Variants in ALG10B observed in about 807,000 individuals in gnomAD.
ALG10B encodes the protein ALG10 alpha-1,2-glucosyltransferase B, also known as dol-P-Glc:Glc(2)Man(9)GlcNAc(2)-PP-Dol alpha-1,2-glucosyltransferase B.
Under a neutral mutation model 38.7 loss-of-function variants are expected in ALG10B, and 27 were observed. That is an observed-to-expected ratio of 0.70 (90% CI 0.51 to 0.96). ALG10B has a LOEUF of 0.96. Among genes scored for constraint, ALG10B ranks in the 40% least tolerant of loss-of-function variants. The probability of loss-of-function intolerance (pLI) is 0.00; values close to 1 mark genes in which losing one functional copy is unlikely to be tolerated. For missense variants in ALG10B, 522 were observed against 542.7 expected (o/e 0.96, Z 0.38); for synonymous variants, 177 against 193.3 (o/e 0.92, Z 0.70).
rs1203078479 is a variant in ALG10B at position 38,323,901 on chromosome 12, T to G, written c.*2688T>G. ...TTGTCTGATAATATTAATGCAAGGATTTTGTATTTAGGAATACTTCTGAGA... is the reference window on the plus strand; with the variant it reads ...TTGTCTGATAATATTAATGCAAGGAGTTTGTATTTAGGAATACTTCTGAGA... On this transcript the variant is annotated 3_prime_UTR_variant, in exon 3 of 3. Transcript: ENST00000308742. The G allele has an allele frequency of 1.3e-5, 9 of 701,814 alleles. No homozygotes were observed. The East Asian group carries it at 2.4e-4, about 19-fold the overall frequency. 43.5% of individuals were successfully genotyped at this position (701,814 alleles called of 1,614,324 possible). A position where few individuals can be genotyped will look rare whatever the true frequency, so the allele number is the denominator to read the frequency against.
rs777713108 is a variant in ALG10B, at chr12:38,320,889, T to C, written c.1098T>C (p.Tyr366=). 18 of 1,613,728 alleles carry C rather than the reference T, an allele frequency of 1.1e-5. No individual in the cohort carries two copies. Among genetic ancestry groups the C allele is most frequent in the African/African-American group, 9.3e-5 (7 of 74,906 alleles). The change falls in exon 3 of 3, where the codon TAT becomes TAC. Residue 366 remains tyrosine, a synonymous_variant. Coordinates refer to ENST00000308742, the MANE Select transcript of ALG10B (RefSeq NM_001013620.4). Reference sequence around the variant, plus strand: ...TGTGGAAAAGAGTTTTTCAAAGATATGCAATTCTGAAATATTTGTTAGTTC... The same window carrying C: ...TGTGGAAAAGAGTTTTTCAAAGATACGCAATTCTGAAATATTTGTTAGTTC... ...FYVWKRVFQR[Y]AILKYLLVPA...
rs766811632 is a variant in ALG10B at position 38,324,991 on chromosome 12, A to G, written c.*3778A>G. ...AAAAATATCTAGTCCATAAATCATTATAGGTTCAGTAATACATCATTTTGA... is the reference window on the plus strand; with the variant it reads ...AAAAATATCTAGTCCATAAATCATTGTAGGTTCAGTAATACATCATTTTGA... On this transcript the variant is annotated 3_prime_UTR_variant, in exon 3 of 3. Coordinates refer to ENST00000308742, the MANE Select transcript of ALG10B (RefSeq NM_001013620.4). 6.6e-6 allele frequency: 1 copy of G among 152,316 alleles called. No individual in the cohort carries two copies. The highest frequency in any genetic ancestry group is 2.1e-4 in the South Asian group (1 of 4,828). 9.4% of individuals were successfully genotyped at this position (152,316 alleles called of 1,614,324 possible).
chr12:38,317,967 A>T, intron 1 of ALG10B: 1 of 418,710 alleles, frequency 2.4e-6, no homozygotes, highest in South Asian at 2.4e-5. Flanking sequence ...AAACTGGAGC[A>T]TTTGCAGTTT....
rs527922977 is a variant in ALG10B at position 38,323,655 on chromosome 12, T to C, written c.*2442T>C. On this transcript the variant is annotated 3_prime_UTR_variant, in exon 3 of 3. Transcript: ENST00000308742. ...TTACAAGTATAATTTGAGTAATAAA[T>C]GCAGGCCATTTTTTGGTTGTACTCT... is the stretch of plus-strand genomic sequence containing the variant. 75 of 444,258 alleles carry C rather than the reference T, an allele frequency of 1.7e-4. No individual in the cohort carries two copies. Among genetic ancestry groups the C allele is most frequent in the African/African-American group, 1.3e-3 (68 of 50,500 alleles). 27.5% of individuals were successfully genotyped at this position (444,258 alleles called of 1,614,324 possible). A position where few individuals can be genotyped will look rare whatever the true frequency, so the allele number is the denominator to read the frequency against.
chr12:38,324,580 G>A lies in ALG10B; in HGVS notation c.*3367G>A, dbSNP rs1191219526. The A allele has an allele frequency of 2.0e-5, 3 of 152,056 alleles. No individual in the cohort carries two copies. In the East Asian group the frequency reaches 5.8e-4, roughly 29 times the overall value. 9.4% of individuals were successfully genotyped at this position (152,056 alleles called of 1,614,324 possible). A position where few individuals can be genotyped will look rare whatever the true frequency, so the allele number is the denominator to read the frequency against. ...TAAATGTCTTCGTTAAATTTTCTAG[G>A]CAGTTCAAAGATGGCCATTTGCTGG... is the stretch of plus-strand genomic sequence containing the variant. On this transcript the variant is annotated 3_prime_UTR_variant, in exon 3 of 3. Coordinates refer to ENST00000308742, the MANE Select transcript of ALG10B (RefSeq NM_001013620.4).
Position 38,317,004 on chromosome 12 carries a change from C to G in ALG10B, c.111C>G (p.Asp37Glu), listed in dbSNP as rs1945661653. 6.2e-7 allele frequency: 1 copy of G among 1,614,026 alleles called. No homozygotes were observed. Among genetic ancestry groups the G allele is most frequent in the Non-Finnish European group, 8.5e-7 (1 of 1,180,030 alleles). ...GGGCGCTGCGAGAGCCCTACATGGA[C>G]GAGATCTTCCACCTGCCTCAGGCGC... is the stretch of plus-strand genomic sequence containing the variant. ...FSRALREPYM[D>E]EIFHLPQAQR... is the part of the protein sequence containing the mutation. Residue 37 changes from aspartate to glutamate, a missense_variant, in exon 1 of 3, where the codon GAC (aspartate) becomes GAG (glutamate). Coordinates refer to ENST00000308742, the MANE Select transcript of ALG10B (RefSeq NM_001013620.4).
chr12:38,318,596 A>G lies in ALG10B; in HGVS notation c.369+138A>G. ...TTTTTTGTATATTATGTAAAGGTAAATTTAAATTCTCCATCTCCATTTTAG... is the reference window on the plus strand; with the variant it reads ...TTTTTTGTATATTATGTAAAGGTAAGTTTAAATTCTCCATCTCCATTTTAG... On this transcript the variant is annotated intron_variant, in intron 2 of 2. Coordinates refer to ENST00000308742, the MANE Select transcript of ALG10B (RefSeq NM_001013620.4). The G allele has an allele frequency of 3.9e-6, 4 of 1,028,592 alleles. No homozygotes were observed. The South Asian group carries it at 4.5e-5, about 12-fold the overall frequency. The allele number at this position is 1,028,592 out of a possible 1,614,324, so 63.7% of individuals were successfully genotyped here.
rs1463521014 is a variant in ALG10B at position 38,323,318 on chromosome 12, C to CCTTAT, written c.*2105_*2106insCTTAT. On this transcript the variant is annotated 3_prime_UTR_variant, in exon 3 of 3. Transcript: ENST00000308742. ...AAAGTTGAGAAATCCTTTGGTCTGA[C>CCTTAT]TTTGTAGATTAGGGAACAACTGCTG... 2.0e-5 allele frequency: 3 copies of CCTTAT among 152,188 alleles called. No individual in the cohort carries two copies. The highest frequency in any genetic ancestry group is 1.3e-4 in the Admixed American group (2 of 15,274). 9.4% of individuals were successfully genotyped at this position (152,188 alleles called of 1,614,324 possible).
chr12:38,320,653 T>A lies in ALG10B; in HGVS notation c.862T>A (p.Phe288Ile). 1 of 1,613,974 alleles carries A rather than the reference T, an allele frequency of 6.2e-7. No homozygotes were observed. Among genetic ancestry groups the A allele is most frequent in the African/African-American group, 1.3e-5 (1 of 75,014 alleles). The change falls in exon 3 of 3, where the codon TTT (phenylalanine) becomes ATT (isoleucine). Residue 288 changes from phenylalanine to isoleucine, a missense_variant. Transcript: ENST00000308742. ...DRSSHEACLHFPQLFYFFSFT... is the reference protein window; with the variant it reads ...DRSSHEACLHIPQLFYFFSFT... ...GAGTAGTCATGAAGCCTGTCTTCAT[T>A]TTCCTCAACTATTCTACTTTTTTTC...
chr12:38,322,216 G>C lies in ALG10B; in HGVS notation c.*1003G>C, dbSNP rs181061266. On this transcript the variant is annotated 3_prime_UTR_variant, in exon 3 of 3. Coordinates refer to ENST00000308742, the MANE Select transcript of ALG10B (RefSeq NM_001013620.4). ...TCTTCACTCCAGTCTCTGCCTCTGCGTTCACACGGCCTTTCCCTCTGTCTT... is the reference window on the plus strand; with the variant it reads ...TCTTCACTCCAGTCTCTGCCTCTGCCTTCACACGGCCTTTCCCTCTGTCTT... 1 of 152,186 alleles carries C rather than the reference G, an allele frequency of 6.6e-6. No individual in the cohort carries two copies. The highest frequency in any genetic ancestry group is 2.4e-5 in the African/African-American group (1 of 41,424). 9.4% of individuals were successfully genotyped at this position (152,186 alleles called of 1,614,324 possible).
Position 38,320,686 on chromosome 12 carries a change from C to A in ALG10B, c.895C>A (p.Leu299Ile). Residue 299 changes from leucine to isoleucine, a missense_variant, in exon 3 of 3, where the codon CTC (leucine) becomes ATC (isoleucine). By Grantham distance (5) the Leu-to-Ile change is conservative. Transcript: ENST00000308742. ...PQLFYFFSFT[L>I]FFSFPHLLSP... The stretch of plus-strand genomic sequence containing the variant: ...ACTATTCTACTTTTTTTCATTTACT[C>A]TCTTTTTTTCTTTTCCTCATCTCCT... 6.2e-7 allele frequency: 1 copy of A among 1,613,744 alleles called. No homozygotes were observed. The highest frequency in any genetic ancestry group is 8.5e-7 in the Non-Finnish European group (1 of 1,179,930).
At chr12:38,317,116 G>A (rs767865160) in intron 1 of ALG10B, 52 bp downstream of exon 1, 25 of 1,611,870 alleles carry the variant, frequency 1.6e-5, no homozygotes, top group Non-Finnish European at 2.0e-5. Context: ...AGGTCCCAGC[G>A]TCCCCAGCTC....
chr12:38,327,222 A>G lies in ALG10B; in HGVS notation c.*6009A>G, dbSNP rs1236756625. 5.9e-5 allele frequency: 9 copies of G among 151,794 alleles called. No individual in the cohort carries two copies. Among genetic ancestry groups the G allele is most frequent in the Admixed American group, 3.3e-4 (5 of 15,248 alleles). The allele number at this position is 151,794 out of a possible 1,614,324, so 9.4% of individuals were successfully genotyped here. On this transcript the variant is annotated 3_prime_UTR_variant, in exon 3 of 3. Coordinates refer to ENST00000308742, the MANE Select transcript of ALG10B (RefSeq NM_001013620.4). ...TGATCCTCCCACCTTGGCCTCCCAAAGTGCTAGGATTTACAATGAGCCACT... is the reference window on the plus strand; with the variant it reads ...TGATCCTCCCACCTTGGCCTCCCAAGGTGCTAGGATTTACAATGAGCCACT...
chr12:38,317,004 C>T lies in ALG10B; in HGVS notation c.111C>T (p.Asp37=). Residue 37 remains aspartate (D), a synonymous_variant, in exon 1 of 3, where the codon GAC becomes GAT. Transcript: ENST00000308742. ...FSRALREPYM[D]EIFHLPQAQR... ...GGGCGCTGCGAGAGCCCTACATGGA[C>T]GAGATCTTCCACCTGCCTCAGGCGC... 2.5e-6 allele frequency: 4 copies of T among 1,614,144 alleles called. No individual in the cohort carries two copies. Among genetic ancestry groups the T allele is most frequent in the Non-Finnish European group, 3.4e-6 (4 of 1,180,022 alleles).
intron 2 of ALG10B, among the ~76,000 whole-genome samples, chr12:38,318,848 C>G (rs932727339): frequency 6.6e-6 from 1 of 152,110 alleles, no homozygotes; most frequent in Non-Finnish European, 1.5e-5. Flanking sequence ...GTGCAGGCCC[C>G]GGAGGTCGAT....
rs996819069 is a variant in ALG10B at position 38,318,568 on chromosome 12, G to A, written c.369+110G>A. ...AATGTCTTTAACACTTTGTAACTTTGTATTTTTTGTATATTATGTAAAGGT... is the reference window on the plus strand; with the variant it reads ...AATGTCTTTAACACTTTGTAACTTTATATTTTTTGTATATTATGTAAAGGT... On this transcript the variant is annotated intron_variant, in intron 2 of 2. Coordinates refer to ENST00000308742, the MANE Select transcript of ALG10B (RefSeq NM_001013620.4). The A allele has an allele frequency of 2.4e-6, 3 of 1,257,026 alleles. No homozygotes were observed. The African/African-American group carries it at 4.5e-5, about 19-fold the overall frequency. 77.9% of individuals were successfully genotyped at this position (1,257,026 alleles called of 1,614,324 possible).
rs1237990538 is a variant in ALG10B, at chr12:38,328,865, A to G, written c.*7652A>G. The G allele has an allele frequency of 4.6e-6, 1 of 217,602 alleles. No individual in the cohort carries two copies. Among genetic ancestry groups the G allele is most frequent in the African/African-American group, 2.3e-5 (1 of 44,222 alleles). 13.5% of individuals were successfully genotyped at this position (217,602 alleles called of 1,614,324 possible). A position where few individuals can be genotyped will look rare whatever the true frequency, so the allele number is the denominator to read the frequency against. On this transcript the variant is annotated 3_prime_UTR_variant, in exon 3 of 3. Coordinates refer to ENST00000308742, the MANE Select transcript of ALG10B (RefSeq NM_001013620.4). ...CATTTGAAAACTCGTGTAACATTGT[A>G]TCAGCCACTGTTATAAAGTGATTTA...
Position 38,320,481 on chromosome 12 carries a change from C to T in ALG10B, c.690C>T (p.Phe230=). Residue 230 remains phenylalanine, a synonymous_variant, in exon 3 of 3, where the codon TTC becomes TTT. Coordinates refer to ENST00000308742, the MANE Select transcript of ALG10B (RefSeq NM_001013620.4). ...CTATTAAAGGACCATTTGCAGAATT[C>T]AGAAAAATTCTTCAGTTTCTTTTGG... is the stretch of plus-strand genomic sequence containing the variant. The part of the protein sequence containing the change: ...LPPIKGPFAE[F]RKILQFLLAY... 6.2e-7 allele frequency: 1 copy of T among 1,613,962 alleles called. No individual in the cohort carries two copies. Among genetic ancestry groups the T allele is most frequent in the Non-Finnish European group, 8.5e-7 (1 of 1,179,932 alleles).
Position 38,324,081 on chromosome 12 carries a change from G to A in ALG10B, c.*2868G>A, listed in dbSNP as rs1350373565. 1 of 614,864 alleles carries A rather than the reference G, an allele frequency of 1.6e-6. No individual in the cohort carries two copies. The highest frequency in any genetic ancestry group is 2.6e-5 in the Admixed American group (1 of 38,584). The allele number at this position is 614,864 out of a possible 1,614,324, so 38.1% of individuals were successfully genotyped here. A position where few individuals can be genotyped will look rare whatever the true frequency, so the allele number is the denominator to read the frequency against. ...AAGTCTCGCTCTTGTCCCCCAGGCT[G>A]GAATGCAATGGCGCGATCTTGGCTC... On this transcript the variant is annotated 3_prime_UTR_variant, in exon 3 of 3. Coordinates refer to ENST00000308742, the MANE Select transcript of ALG10B (RefSeq NM_001013620.4).
Sources: allele counts gnomAD v4.1 joint callset (sites outside exome capture counted in the v4.1 genomes callset), GRCh38; gene constraint gnomAD v4.1.1; transcripts MANE v1.5; gene names NCBI Gene and HGNC (gene_info 2026-07-23, HGNC 2026-07-21).